Variants in SYNJ1 observed in about 807,000 individuals in gnomAD.
The protein encoded by SYNJ1 is polyphosphatidylinositol phosphatase SYNJ1.
SYNJ1 carries 78 observed loss-of-function variants against 168.2 expected under a neutral mutation model. The observed-to-expected ratio is 0.46, with a 90% CI of 0.39 to 0.56. The LOEUF (loss-of-function observed/expected upper bound fraction) is 0.56, where lower values mean the gene tolerates loss of function less well. Ranked by LOEUF, SYNJ1 falls within the 20% of genes least tolerant of loss-of-function variation. SYNJ1 has a pLI of 0.00. For missense variants in SYNJ1, 1,303 were observed against 1,597.6 expected, an observed-to-expected ratio of 0.82 and a Z score of 3.14; for synonymous variants, 539 against 548.6, an observed-to-expected ratio of 0.98 and a Z score of 0.24.
intron 2 of SYNJ1, among the ~76,000 whole-genome samples, chr21:32,718,709 A>G (rs1029638456): frequency 1.3e-5 from 2 of 152,048 alleles, no homozygotes; most frequent in African/African-American, 4.8e-5. Flanking sequence ...ACCACCTACT[A>G]TATTTATCCA....
chr21:32,636,715 C>T (rs1402157568), intron 31 of SYNJ1, among the ~76,000 whole-genome samples: 1 of 151,960 alleles, frequency 6.6e-6, no homozygotes, highest in African/African-American at 2.4e-5. Context: ...TGGCCCCCAG[C>T]ATTGGGCATT....
chr21:32,671,410 CTTAT>C (rs1311682813), intron 14 of SYNJ1, among the ~76,000 whole-genome samples: 2 of 152,152 alleles, frequency 1.3e-5, no homozygotes, highest in Non-Finnish European at 2.9e-5. Flanking sequence ...CATACATCAT[CTTAT>C]TTAAACTGCC....
intron 27 of SYNJ1, among the ~76,000 whole-genome samples, chr21:32,642,915 C>T (rs919346076): frequency 1.3e-5 from 2 of 152,044 alleles, no homozygotes; most frequent in Non-Finnish European, 2.9e-5. Context: ...TAACAAATGG[C>T]CTCTAGTCTT....
intron 2 of SYNJ1, among the ~76,000 whole-genome samples, chr21:32,721,198 C>T (rs1458121461): frequency 2.0e-5 from 3 of 152,202 alleles, no homozygotes; most frequent in African/African-American, 7.2e-5. Flanking sequence ...ATTCCAAAGA[C>T]ATCAAATTGC....
intron 18 of SYNJ1, among the ~76,000 whole-genome samples, chr21:32,663,436 TCCCA>T (rs2040796229): frequency 6.6e-6 from 1 of 151,950 alleles, no homozygotes. Flanking sequence ...CCATCCGGAG[TCCCA>T]CCAGGACTGG....
In SYNJ1 at chr21:32,645,780, A is replaced by G; in HGVS notation, c.3257T>C (p.Ile1086Thr). Reference sequence around the variant, plus strand: ...CAGCGGCGTTGCTGGCTGCGCGTCAATAGGAGAACCTAAAAAGCGCACAGG... The same window carrying G: ...CAGCGGCGTTGCTGGCTGCGCGTCAGTAGGAGAACCTAAAAAGCGCACAGG... ...PGPPSAQSSP[I>T]DAQPATPLPQ... Residue 1086 changes from isoleucine (I) to threonine (T), a missense_variant, in exon 25 of 33, where the codon ATT (isoleucine) becomes ACT (threonine). Physicochemically the swap from Ile to Thr is moderately conservative, Grantham distance 89. Transcript: ENST00000674351. The G allele has an allele frequency of 4.7e-6, 7 of 1,476,164 alleles. No homozygotes were observed. Among genetic ancestry groups the G allele is most frequent in the South Asian group, 1.4e-5 (1 of 72,104 alleles). The allele number at this position is 1,476,164 out of a possible 1,614,324, so 91.4% of individuals were successfully genotyped here. A position where few individuals can be genotyped will look rare whatever the true frequency, so the allele number is the denominator to read the frequency against.
At position 32,657,804 on chromosome 21, in the gene SYNJ1, G is replaced by A. The variant is rs374390032; in HGVS notation, c.2373C>T (p.Asp791=). 15 of 1,613,892 alleles carry A rather than the reference G, an allele frequency of 9.3e-6. No individual in the cohort carries two copies. The highest frequency in any genetic ancestry group is 6.7e-5 in the East Asian group (3 of 44,878). ...APTYKYDLFS[D]DYDTSEKCRT... is the part of the protein sequence containing the mutation. Reference sequence around the variant, plus strand: ...GGCACTTTTCACTGGTGTCATAGTCGTCAGAAAACAAGTCATACTTATATG... The same window carrying A: ...GGCACTTTTCACTGGTGTCATAGTCATCAGAAAACAAGTCATACTTATATG... Residue 791 remains aspartate, a synonymous_variant, in exon 19 of 33, where the codon GAC becomes GAT. Transcript: ENST00000674351.
Position 32,685,820 on chromosome 21 carries a change from C to T in SYNJ1, c.1046G>A (p.Ser349Asn), listed in dbSNP as rs748368610. The T allele has an allele frequency of 2.5e-6, 4 of 1,613,234 alleles. No individual in the cohort carries two copies. The highest frequency in any genetic ancestry group is 3.4e-6 in the Non-Finnish European group (4 of 1,179,612). ...VKGGKAEKLH[S>N]VLKPQVQKFL... ...CTTCTGGACTTGAGGTTTAAGAACACTATGTAATTTTTCTGCCTTTCCTCC... is the reference window on the plus strand; with the variant it reads ...CTTCTGGACTTGAGGTTTAAGAACATTATGTAATTTTTCTGCCTTTCCTCC... Residue 349 changes from serine to asparagine, a missense_variant, in exon 9 of 33, where the codon AGT becomes AAT. Ser to Asn is a conservative substitution (Grantham distance 46, BLOSUM62 1). Transcript: ENST00000674351.
intron 29 of SYNJ1, among the ~76,000 whole-genome samples, 158 bp from the exon 30 acceptor site, chr21:32,639,937 G>C (rs2039758125): frequency 2.0e-5 from 3 of 152,122 alleles, no homozygotes; most frequent in Admixed American, 2.0e-4. Context: ...TTATAATGAT[G>C]AATTTTAAAA....
At chr21:32,700,431 G>T (rs2042357604) in intron 3 of SYNJ1, among the ~76,000 whole-genome samples, 1 of 152,106 alleles carries the variant, frequency 6.6e-6, no homozygotes, top group African/African-American at 2.4e-5. Context: ...GAGGCAGGTG[G>T]ATCACCTGAG....
At chr21:32,638,489 G>A (rs1601228088) in intron 31 of SYNJ1, among the ~76,000 whole-genome samples, 2 of 152,300 alleles carry the variant, frequency 1.3e-5, no homozygotes, top group East Asian at 1.9e-4. Flanking sequence ...CTGAGGTCAG[G>A]AGTTCAAGAC....
At chr21:32,685,305 G>A (rs2041789044) in intron 9 of SYNJ1, among the ~76,000 whole-genome samples, 1 of 151,614 alleles carries the variant, frequency 6.6e-6, no homozygotes, top group Non-Finnish European at 1.5e-5. Flanking sequence ...ATCAAGTATA[G>A]GATGGGTGAG....
chr21:32,726,652 A>T, intron 2 of SYNJ1, 120 bp downstream of exon 2: 2 of 1,291,126 alleles, frequency 1.5e-6, no homozygotes, highest in Non-Finnish European at 2.1e-6. Flanking sequence ...TACAAGCATA[A>T]TCTGCTAGAG....
intron 19 of SYNJ1, 46 bp from the exon 20 acceptor site, chr21:32,657,166 G>T: frequency 7.6e-7 from 1 of 1,313,694 alleles, no homozygotes. Flanking sequence ...GTATAAGCAG[G>T]ACAGATCGTG....
intron 8 of SYNJ1, 117 bp downstream of exon 8, chr21:32,686,861 C>T (rs1029702841): frequency 4.3e-6 from 3 of 703,472 alleles, no homozygotes; most frequent in Non-Finnish European, 6.7e-6. Flanking sequence ...AAGTACCCAA[C>T]CTTTTTCTTG....
At chr21:32,680,565 T>C (rs1293343250) in intron 11 of SYNJ1, among the ~76,000 whole-genome samples, 1 of 151,636 alleles carries the variant, frequency 6.6e-6, no homozygotes, top group African/African-American at 2.4e-5. Context: ...CTGTAGATAA[T>C]ACCAGGAAAT....
rs1359835932 is a variant in SYNJ1, at chr21:32,666,521, C to T, written c.1864G>A (p.Asp622Asn). 3 of 1,614,060 alleles carry T rather than the reference C, an allele frequency of 1.9e-6. No homozygotes were observed. The highest frequency in any genetic ancestry group is 2.2e-5 in the East Asian group (1 of 44,868). ...GAAGCCAGCAGCACATACTTGTTGT[C>T]TCTGGAGATTGTCTTCTGAAGTTCT... The part of the protein sequence containing the change: ...AVELQKTISR[D>N]NKYVLLASEQ... Residue 622 changes from aspartate to asparagine, a missense_variant, in exon 16 of 33, where the codon GAC (aspartate) becomes AAC (asparagine). This residue lies in a region of SYNJ1 where 920 missense variants were observed against 1,208.8 expected (regional missense o/e 0.76). Transcript: ENST00000674351.
intron 2 of SYNJ1, among the ~76,000 whole-genome samples, chr21:32,712,099 G>C (rs1249787920): frequency 1.3e-5 from 2 of 152,174 alleles, no homozygotes; most frequent in Non-Finnish European, 2.9e-5. Context: ...TGCAGTCTGA[G>C]AATACACTGT....
chr21:32,694,954 G>A, intron 5 of SYNJ1, 103 bp downstream of exon 5: 1 of 1,172,758 alleles, frequency 8.5e-7, no homozygotes, highest in Non-Finnish European at 1.2e-6. Flanking sequence ...AAACATTATA[G>A]ATGTTAAAAT....
Sources: allele counts gnomAD v4.1 joint callset (sites outside exome capture counted in the v4.1 genomes callset), GRCh38; gene constraint gnomAD v4.1.1; regional missense constraint gnomAD v4.1.1; transcripts MANE v1.5; gene names NCBI Gene and HGNC (gene_info 2026-07-23, HGNC 2026-07-21).